Variants in ZNF407 observed in about 807,000 individuals in gnomAD.
ZNF407 encodes the protein zinc finger protein 407.
A neutral mutation model predicts 131.2 loss-of-function variants in ZNF407; 17 were observed. That is an observed-to-expected ratio of 0.13 (90% CI 0.09 to 0.19). The LOEUF is 0.19. ZNF407 is among the 10% of genes least tolerant of loss of function. The pLI is 1.00. For missense variants in ZNF407, 2,681 were observed against 2,830.6 expected, an observed-to-expected ratio of 0.95 and a Z score of 1.20; for synonymous variants, 1,156 against 1,062.0, an observed-to-expected ratio of 1.09 and a Z score of -1.72.
At chr18:74,758,980 T>C (rs1311623592) in intron 3 of ZNF407, among the ~76,000 whole-genome samples, 1 of 152,228 alleles carries the variant, frequency 6.6e-6, no homozygotes, top group East Asian at 1.9e-4. Context: ...TATTCCTTAA[T>C]TTCCATTTAA....
At chr18:74,755,042 G>A (rs1568199031) in intron 3 of ZNF407, among the ~76,000 whole-genome samples, 1 of 152,136 alleles carries the variant, frequency 6.6e-6, no homozygotes, top group Non-Finnish European at 1.5e-5. Context: ...CCTGTATTGG[G>A]TGTATATATA....
intron 7 of ZNF407, among the ~76,000 whole-genome samples, chr18:74,899,965 G>C (rs936968511): frequency 6.6e-6 from 1 of 152,262 alleles, no homozygotes; most frequent in Non-Finnish European, 1.5e-5. Flanking sequence ...CAGAGGGAAA[G>C]ACAGAGGGTG....
intron 7 of ZNF407, among the ~76,000 whole-genome samples, chr18:74,908,290 T>C (rs1971622971): frequency 6.6e-6 from 1 of 152,210 alleles, no homozygotes; most frequent in Non-Finnish European, 1.5e-5. Context: ...ACTAAGATTA[T>C]AAAAATATTT....
intron 3 of ZNF407, among the ~76,000 whole-genome samples, chr18:74,775,220 A>T (rs768104815): frequency 6.6e-5 from 10 of 152,124 alleles, no homozygotes; most frequent in Non-Finnish European, 1.5e-4. Context: ...GATTATTATT[A>T]GTTTTTCTTT....
chr18:74,876,655 A>G (rs889412953), intron 4 of ZNF407, among the ~76,000 whole-genome samples: 9 of 151,914 alleles, frequency 5.9e-5, no homozygotes, highest in African/African-American at 2.2e-4. Context: ...TTTTATTTTT[A>G]TCAAACGAAC....
intron 4 of ZNF407, among the ~76,000 whole-genome samples, chr18:74,795,963 C>T (rs1465662067): frequency 6.6e-6 from 1 of 152,240 alleles, no homozygotes; most frequent in Non-Finnish European, 1.5e-5. Context: ...CGCACACACG[C>T]ACACGTGCCC....
chr18:74,642,418 GC>G (rs1342655474), intron 3 of ZNF407, among the ~76,000 whole-genome samples: 1 of 152,070 alleles, frequency 6.6e-6, no homozygotes, highest in East Asian at 1.9e-4. Flanking sequence ...AAAGGAGAAG[GC>G]CCTGACTCCA....
At chr18:74,936,529 G>A (rs1972041873) in intron 8 of ZNF407, among the ~76,000 whole-genome samples, 1 of 152,140 alleles carries the variant, frequency 6.6e-6, no homozygotes, top group Non-Finnish European at 1.5e-5. Flanking sequence ...TGATGAAGTC[G>A]CAGACTTACC....
intron 3 of ZNF407, among the ~76,000 whole-genome samples, chr18:74,771,758 T>C (rs1969366518): frequency 6.6e-6 from 1 of 152,120 alleles, no homozygotes; most frequent in Non-Finnish European, 1.5e-5. Context: ...TGGTATTTAT[T>C]TTTGTCTGAC....
chr18:74,610,815 AAG>A (rs1983027745), intron 1 of ZNF407, among the ~76,000 whole-genome samples: 2 of 152,006 alleles, frequency 1.3e-5, no homozygotes, highest in Non-Finnish European at 2.9e-5. Context: ...CAGCCTCCCG[AAG>A]TGCTGATATT....
At chr18:74,704,325 G>T (rs1031112193) in intron 3 of ZNF407, among the ~76,000 whole-genome samples, 6 of 152,132 alleles carry the variant, frequency 3.9e-5, no homozygotes, top group Admixed American at 3.3e-4. Flanking sequence ...AACAACTAGG[G>T]ATCTCTTTTA....
chr18:74,757,349 A>G (rs1968988114), intron 3 of ZNF407, among the ~76,000 whole-genome samples: 1 of 151,836 alleles, frequency 6.6e-6, no homozygotes, highest in African/African-American at 2.4e-5. Flanking sequence ...TATGTTCCAT[A>G]TTTGTTTCCA....
At chr18:74,640,792 A>T (rs1388888191) in intron 2 of ZNF407, among the ~76,000 whole-genome samples, 2 of 152,156 alleles carry the variant, frequency 1.3e-5, no homozygotes, top group African/African-American at 4.8e-5. Context: ...TAGGATTGTT[A>T]GTGGAAGTTA....
intron 3 of ZNF407, among the ~76,000 whole-genome samples, chr18:74,693,058 G>A (rs1002998995): frequency 2.0e-5 from 3 of 152,186 alleles, no homozygotes; most frequent in Non-Finnish European, 2.9e-5. Context: ...TGTGGTGCAC[G>A]TCAGTTCACT....
chr18:74,824,807 C>T (rs1209993514), intron 4 of ZNF407, among the ~76,000 whole-genome samples: 1 of 152,210 alleles, frequency 6.6e-6, no homozygotes, highest in Admixed American at 6.5e-5. Flanking sequence ...GGTACCTTTC[C>T]TTCTGAAACT....
At chr18:74,895,457 T>C (rs1217889895) in intron 7 of ZNF407, among the ~76,000 whole-genome samples, 1 of 152,142 alleles carries the variant, frequency 6.6e-6, no homozygotes, top group Non-Finnish European at 1.5e-5. Context: ...ATCGACATCC[T>C]TGAAAATTTT....
chr18:74,810,492 A>G (rs1970178481), intron 4 of ZNF407, among the ~76,000 whole-genome samples: 1 of 152,130 alleles, frequency 6.6e-6, no homozygotes, highest in African/African-American at 2.4e-5. Flanking sequence ...TTAAACTGTT[A>G]GAGAAAAGAA....
At chr18:74,812,881 T>A (rs1474863255) in intron 4 of ZNF407, among the ~76,000 whole-genome samples, 1 of 152,230 alleles carries the variant, frequency 6.6e-6, no homozygotes, top group Non-Finnish European at 1.5e-5. Flanking sequence ...CAATGAATTC[T>A]TGATGAAAGA....
intron 3 of ZNF407, among the ~76,000 whole-genome samples, chr18:74,718,015 C>T (rs183794203): frequency 6.6e-6 from 1 of 151,762 alleles, no homozygotes; most frequent in African/African-American, 2.4e-5. Context: ...ATTTTTAAAC[C>T]CTTGTTCATT....
Sources: allele counts gnomAD v4.1 joint callset (sites outside exome capture counted in the v4.1 genomes callset), GRCh38; gene constraint gnomAD v4.1.1; transcripts MANE v1.5; gene names NCBI Gene and HGNC (gene_info 2026-07-23, HGNC 2026-07-21).